Variants in STAM2 observed in about 807,000 individuals in gnomAD.
STAM2 encodes the protein signal transducing adapter molecule 2.
A neutral mutation model predicts 65.6 loss-of-function variants in STAM2; 51 were observed. That is an observed-to-expected ratio of 0.78 (90% CI 0.62 to 0.98). The LOEUF is 0.98. Ranked by LOEUF, STAM2 falls within the 50% of genes least tolerant of loss-of-function variation. The pLI, the probability that STAM2 is intolerant of heterozygous loss-of-function variation, is 0.00. For missense variants in STAM2, 584 were observed against 617.8 expected, an observed-to-expected ratio of 0.95 and a Z score of 0.58; for synonymous variants, 198 against 208.4, an observed-to-expected ratio of 0.95 and a Z score of 0.43.
At chr2:152,148,936 A>T (rs533047125) in intron 2 of STAM2, among the ~76,000 whole-genome samples, 1 of 152,320 alleles carries the variant, frequency 6.6e-6, no homozygotes, top group South Asian at 2.1e-4. Flanking sequence ...TCTTGAAAAA[A>T]ATCTAACATG....
chr2:152,160,799 C>A (rs183360829), intron 1 of STAM2, among the ~76,000 whole-genome samples: 18,697 of 142,848 alleles, frequency 0.13, 2,020 homozygotes, highest in East Asian at 0.55. Context: ...CTCTGCCCGG[C>A]CAGCCGCCCC....
chr2:152,135,428 T>TA, intron 8 of STAM2, 81 bp downstream of exon 8: 1 of 967,404 alleles, frequency 1.0e-6, no homozygotes. Flanking sequence ...AATGCCAATC[T>TA]ACTTTACATC....
intron 7 of STAM2, among the ~76,000 whole-genome samples, chr2:152,142,414 G>C (rs1018487437): frequency 6.6e-6 from 1 of 151,910 alleles, no homozygotes; most frequent in South Asian, 2.1e-4. Flanking sequence ...GTATCAAAAC[G>C]GTAAACCTAA....
chr2:152,161,775 A>G (rs1376933483), intron 1 of STAM2, among the ~76,000 whole-genome samples: 1 of 152,184 alleles, frequency 6.6e-6, no homozygotes, highest in Non-Finnish European at 1.5e-5. Context: ...ACCCTGGGGA[A>G]AGCAGCAATA....
chr2:152,135,487 T>A, intron 8 of STAM2, 22 bp downstream of exon 8: 1 of 1,515,700 alleles, frequency 6.6e-7, no homozygotes, highest in Non-Finnish European at 9.1e-7. Context: ...ATAGATCTAA[T>A]GTCGTCTAAG....
intron 7 of STAM2, among the ~76,000 whole-genome samples, chr2:152,141,275 C>T (rs969717041): frequency 6.6e-6 from 1 of 152,074 alleles, no homozygotes; most frequent in African/African-American, 2.4e-5. Flanking sequence ...GTGGCTCACG[C>T]CTGTAATCCC....
chr2:152,151,054 T>A (rs1387108792), intron 1 of STAM2, among the ~76,000 whole-genome samples: 1 of 151,892 alleles, frequency 6.6e-6, no homozygotes, highest in African/African-American at 2.4e-5. Context: ...CAACGAAATA[T>A]GAAATGAGGA....
intron 8 of STAM2, among the ~76,000 whole-genome samples, chr2:152,133,771 T>C (rs907042057): frequency 6.6e-6 from 1 of 152,198 alleles, no homozygotes; most frequent in Non-Finnish European, 1.5e-5. Flanking sequence ...CTTAAAATTT[T>C]AGTGGAACAA....
intron 2 of STAM2, among the ~76,000 whole-genome samples, chr2:152,149,665 G>GT (rs1290605548): frequency 1.3e-5 from 2 of 151,936 alleles, no homozygotes; most frequent in Non-Finnish European, 2.9e-5. Context: ...GTCCAGCTAA[G>GT]TTTTGTATTT....
chr2:152,152,825 T>C (rs1689471050), intron 1 of STAM2, among the ~76,000 whole-genome samples: 1 of 152,210 alleles, frequency 6.6e-6, no homozygotes, highest in Non-Finnish European at 1.5e-5. Flanking sequence ...CCATATTCTT[T>C]AGGGATATAT....
intron 1 of STAM2, among the ~76,000 whole-genome samples, chr2:152,167,362 C>T (rs1689806521): frequency 6.6e-6 from 1 of 152,068 alleles, no homozygotes; most frequent in Non-Finnish European, 1.5e-5. Flanking sequence ...GAAAATAACG[C>T]TAAAGGAAGT....
chr2:152,135,542 C>G lies in STAM2; in HGVS notation c.766G>C (p.Val256Leu). 6.2e-7 allele frequency: 1 copy of G among 1,612,562 alleles called. No homozygotes were observed. Among genetic ancestry groups the G allele is most frequent in the South Asian group, 1.1e-5 (1 of 90,718 alleles). Reference sequence around the variant, plus strand: ...GTCTCTATGTTTAAATTAGTTGTTACAAAATTGGATGGGAAAAGTCCTATT... The same window carrying G: ...GTCTCTATGTTTAAATTAGTTGTTAGAAAATTGGATGGGAAAAGTCCTATT... ...RGIGLFPSNF[V>L]TTNLNIETEA... Residue 256 changes from valine (V) to leucine (L), a missense_variant, in exon 8 of 14, where the codon GTA becomes CTA. Coordinates refer to ENST00000263904, the MANE Select transcript of STAM2 (RefSeq NM_005843.6).
chr2:152,119,231 A>C lies in STAM2; in HGVS notation c.*1343T>G, dbSNP rs1688805434. On this transcript the variant is annotated 3_prime_UTR_variant, in exon 14 of 14. Coordinates refer to ENST00000263904, the MANE Select transcript of STAM2 (RefSeq NM_005843.6). Reference sequence around the variant, plus strand: ...GTAAAAAGTTGGTAGACAATGAAGTAGTGTGCAAATTTTTAGGAGAGAAAA... The same window carrying C: ...GTAAAAAGTTGGTAGACAATGAAGTCGTGTGCAAATTTTTAGGAGAGAAAA... The C allele has an allele frequency of 6.6e-6, 1 of 152,228 alleles. No individual in the cohort carries two copies. The allele number at this position is 152,228 out of a possible 1,614,324, so 9.4% of individuals were successfully genotyped here.
At chr2:152,156,334 C>T (rs1401748449) in intron 1 of STAM2, among the ~76,000 whole-genome samples, 1 of 152,124 alleles carries the variant, frequency 6.6e-6, no homozygotes, top group African/African-American at 2.4e-5. Flanking sequence ...CTTTGTTTTT[C>T]AAGGGAGCTA....
chr2:152,162,970 T>C (rs1579334151), intron 1 of STAM2, among the ~76,000 whole-genome samples: 1 of 152,188 alleles, frequency 6.6e-6, no homozygotes, highest in Non-Finnish European at 1.5e-5. Context: ...CAGAAAATTA[T>C]TAAATAACTA....
chr2:152,130,313 G>A (rs536489735), intron 11 of STAM2, among the ~76,000 whole-genome samples: 4 of 151,686 alleles, frequency 2.6e-5, no homozygotes, highest in East Asian at 4.0e-4. Context: ...GTGCAGTGGC[G>A]AGATCTCGGC....
At position 152,148,311 on chromosome 2, in the gene STAM2, AAAGAG is replaced by A; in HGVS notation, c.126-16_126-12del. 2 of 1,586,104 alleles carry A rather than the reference AAAGAG, an allele frequency of 1.3e-6. No homozygotes were observed. The highest frequency in any genetic ancestry group is 1.7e-6 in the Non-Finnish European group (2 of 1,164,234). On this transcript the variant is annotated splice_polypyrimidine_tract_variant and intron_variant, in intron 2 of 13. Transcript: ENST00000263904. The stretch of plus-strand genomic sequence containing the variant: ...AGGCAATCTTTCGCTCTAAAAAAAA[AAAGAG>A]AGAGAGAGACAGTTAAGTATTTACT...
intron 7 of STAM2, 99 bp from the exon 8 acceptor site, chr2:152,135,702 C>T (rs1454247264): frequency 8.2e-6 from 6 of 735,778 alleles, no homozygotes; most frequent in Admixed American, 7.9e-5. Flanking sequence ...TGAATATATC[C>T]GTTTACAAGC....
chr2:152,125,200 A>G (rs1688943239), intron 12 of STAM2, among the ~76,000 whole-genome samples: 1 of 152,248 alleles, frequency 6.6e-6, no homozygotes, highest in African/African-American at 2.4e-5. Flanking sequence ...CTGAAAACAG[A>G]AGCAAACTGA....
Sources: gnomAD v4.1 joint callset for allele counts (sites outside exome capture counted in the v4.1 genomes callset) on GRCh38, gnomAD v4.1.1 for gene constraint, MANE v1.5 for transcripts, NCBI Gene and HGNC (gene_info 2026-07-23, HGNC 2026-07-21) for gene names.